COL4A5: variants seen among roughly 807,000 people sequenced by gnomAD.
COL4A5 encodes collagen type IV alpha 5 chain.
Under a neutral mutation model 130.2 loss-of-function variants are expected in COL4A5, and 26 were observed. The observed-to-expected ratio is 0.20, with a 90% CI of 0.15 to 0.28. The LOEUF (loss-of-function observed/expected upper bound fraction) is 0.28. Ranked by LOEUF, COL4A5 falls within the 10% of genes least tolerant of loss-of-function variation. The pLI is 1.00. For synonymous variants in COL4A5, 496 were observed against 439.6 expected (o/e 1.13, Z -1.60); for missense variants, 1,131 against 1,344.3 (o/e 0.84, Z 2.48).
At chrX:108,571,349 C>A in intron 6 of COL4A5, 64 bp from the exon 7 acceptor site, 1 of 856,109 alleles carries the variant, frequency 1.2e-6, no homozygotes, top group East Asian at 3.2e-5. Flanking sequence ...GAAGTCATAT[C>A]TTGATGGTAT....
chrX:108,494,494 T>C (rs1271535642), intron 1 of COL4A5, among the ~76,000 whole-genome samples: 1 of 111,964 alleles, frequency 8.9e-6, no homozygotes, highest in Non-Finnish European at 1.9e-5. Flanking sequence ...ATTTCAAGTT[T>C]TAACACATAT....
intron 36 of COL4A5, among the ~76,000 whole-genome samples, chrX:108,640,891 AT>A (rs897074638): frequency 1.1e-4 from 12 of 111,921 alleles, no homozygotes; most frequent in African/African-American, 3.9e-4. Context: ...AAAATAAAAT[AT>A]TTTTAAGTGA....
At position 108,573,587 on chromosome X, in the gene COL4A5, G is replaced by A. The variant is rs947383891; in HGVS notation, c.479G>A (p.Ser160Asn). The change falls in exon 9 of 53, where the codon AGT becomes AAT. Residue 160 changes from serine to asparagine, a missense_variant. Ser to Asn is a conservative substitution (Grantham distance 46, BLOSUM62 1). Transcript: ENST00000328300. The stretch of plus-strand genomic sequence containing the variant: ...GGCTTCTTTTAGGGTGAACCAGGTA[G>A]TATAATTATGTCATCACTGCCAGGA... The part of the protein sequence containing the change: ...GIPGMKGEPG[S>N]IIMSSLPGPK... 12 of 1,198,415 alleles carry A rather than the reference G, an allele frequency of 1.0e-5. No individual in the cohort carries two copies. The highest frequency in any genetic ancestry group is 1.4e-5 in the Non-Finnish European group (12 of 884,777).
chrX:108,645,900 G>A (rs1236554417), intron 36 of COL4A5, among the ~76,000 whole-genome samples: 1 of 110,683 alleles, frequency 9.0e-6, no homozygotes, highest in Non-Finnish European at 1.9e-5. Context: ...TCCCTACAAA[G>A]GACATGAACT....
chrX:108,588,163 G>A (rs1223444990), intron 19 of COL4A5, among the ~76,000 whole-genome samples: 2 of 110,874 alleles, frequency 1.8e-5, no homozygotes, highest in Non-Finnish European at 3.8e-5. Flanking sequence ...CTCTGAAATA[G>A]GGTAATAATA....
At chrX:108,681,086 G>T (rs1426536968) in intron 46 of COL4A5, 130 bp downstream of exon 46, 7 of 527,707 alleles carry the variant, frequency 1.3e-5, no homozygotes. Context: ...AATAAACAAG[G>T]CTCTGCCTTT....
In COL4A5 at chrX:108,503,537, G is replaced by A. The variant is rs981497179; in HGVS notation, c.82-36209G>A. 7.2e-5 allele frequency among the ~76,000 whole-genome samples: 8 copies of A among 111,582 alleles called. 1 individual carries two copies. Among genetic ancestry groups the A allele is most frequent in the African/African-American group, 2.6e-4 (8 of 30,665 alleles). ...TAAAGGCTCCTCCAAAAGCCTTCTA[G>A]GCTTGATAAATGAATTCAGTAAAGT... On this transcript the variant is annotated intron_variant, in intron 1 of 52. Coordinates refer to ENST00000328300, the MANE Select transcript of COL4A5 (RefSeq NM_033380.3).
intron 38 of COL4A5, among the ~76,000 whole-genome samples, chrX:108,665,960 G>A (rs1312433672): frequency 9.1e-6 from 1 of 110,494 alleles, no homozygotes; most frequent in Non-Finnish European, 1.9e-5. Flanking sequence ...GTTAAGGCAC[G>A]AGAAGTGCTT....
chrX:108,578,643 G>T (rs932388200), intron 13 of COL4A5, among the ~76,000 whole-genome samples: 2 of 108,604 alleles, frequency 1.8e-5, no homozygotes, highest in African/African-American at 6.7e-5. Context: ...ATATATAAGG[G>T]TATTTTTTTT....
intron 1 of COL4A5, among the ~76,000 whole-genome samples, chrX:108,475,790 C>T (rs139516974): frequency 0.022 from 2,452 of 111,694 alleles, 63 homozygotes; most frequent in Admixed American, 0.12. Context: ...GTATATGAAA[C>T]TACTTATAGT....
In COL4A5 at chrX:108,440,132, C is replaced by G. The variant is rs1026787719; in HGVS notation, c.7C>G (p.Leu3Val). Reference protein sequence around the residue: MKLRGVSLAAGLF... With the variant: MKVRGVSLAAGLF... ...CTGCGGGAGCCGGAGAAGAATGAAA[C>G]TGCGTGGAGTCAGCCTGGCTGCCGG... The change falls in exon 1 of 53, where the codon CTG becomes GTG. Residue 3 changes from leucine (L) to valine (V), a missense_variant. By Grantham distance (32) the Leu-to-Val change is conservative. Transcript: ENST00000328300. 1.7e-6 allele frequency: 2 copies of G among 1,205,038 alleles called. No individual in the cohort carries two copies. Among genetic ancestry groups the G allele is most frequent in the African/African-American group, 3.6e-5 (2 of 56,260 alleles).
At chrX:108,457,706 G>A (rs2064597937) in intron 1 of COL4A5, among the ~76,000 whole-genome samples, 1 of 111,508 alleles carries the variant, frequency 9.0e-6, no homozygotes, top group Middle Eastern at 4.3e-3. Context: ...ACCTCAAAAT[G>A]TTTCCTCATA....
chrX:108,511,032 C>G (rs2065175091), intron 1 of COL4A5, among the ~76,000 whole-genome samples: 1 of 110,885 alleles, frequency 9.0e-6, no homozygotes, highest in Admixed American at 9.6e-5. Flanking sequence ...TATTATTGTT[C>G]AAAACTACAA....
chrX:108,621,759 T>C (rs944957558), intron 31 of COL4A5, 44 bp from the exon 32 acceptor site: 12 of 1,030,666 alleles, frequency 1.2e-5, no homozygotes, highest in Non-Finnish European at 1.6e-5. Flanking sequence ...TTATGTTCCC[T>C]AAGTCAAAGA....
At chrX:108,487,678 T>C (rs966781546) in intron 1 of COL4A5, among the ~76,000 whole-genome samples, 1 of 112,321 alleles carries the variant, frequency 8.9e-6, no homozygotes, top group African/African-American at 3.2e-5. Flanking sequence ...AAAGTAGTAA[T>C]ATAATTCCAC....
intron 36 of COL4A5, among the ~76,000 whole-genome samples, chrX:108,632,694 C>T (rs1331683041): frequency 6.3e-5 from 7 of 111,165 alleles, no homozygotes; most frequent in Non-Finnish European, 7.6e-5. Flanking sequence ...AATAAATAAA[C>T]GTAATCCATC....
intron 2 of COL4A5, among the ~76,000 whole-genome samples, chrX:108,551,503 A>G (rs990329221): frequency 4.5e-5 from 5 of 112,020 alleles, no homozygotes; most frequent in East Asian, 2.8e-4. Context: ...TAGAATGGCT[A>G]TTATTAAAAA....
chrX:108,473,633 A>ATATATATT lies in COL4A5; in HGVS notation c.81+33428_81+33429insATATATTT. Among the ~76,000 whole-genome samples, 329 of 34,526 alleles carry ATATATATT rather than the reference A, an allele frequency of 9.5e-3. 4 individuals are homozygous for ATATATATT. The highest frequency in any genetic ancestry group is 0.033 in the African/African-American group (308 of 9,239). The allele number at this position is 34,526 out of a possible 115,157, so 30.0% of individuals were successfully genotyped here. ...TATATGTATATATATATATATATAT[A>ATATATATT]TTTTTTTTTTTTTGAGATGAAGTCT... On this transcript the variant is annotated intron_variant, in intron 1 of 52. Transcript: ENST00000328300.
chrX:108,648,393 A>T (rs936133903), intron 36 of COL4A5, among the ~76,000 whole-genome samples: 9 of 111,504 alleles, frequency 8.1e-5, no homozygotes, highest in Non-Finnish European at 1.7e-4. Context: ...AGCCCTCCCT[A>T]ATTCATTTTA....
Sources: gnomAD v4.1 joint callset for allele counts (sites outside exome capture counted in the v4.1 genomes callset) on GRCh38, gnomAD v4.1.1 for gene constraint, MANE v1.5 for transcripts, NCBI Gene and HGNC (gene_info 2026-07-23, HGNC 2026-07-21) for gene names.